The following ENTREP2 variants were observed in gnomAD, a reference collection of about 807,000 sequenced individuals.
ENTREP2 encodes protein ENTREP2.
chr15:29,224,225 C>G, the ENTREP2 span, among the ~76,000 whole-genome samples: 1 of 151,988 alleles, frequency 6.6e-6, no homozygotes, highest in Non-Finnish European at 1.5e-5. Flanking sequence ...TGGAGTTGTT[C>G]GTTCCTCCCG....
At chr15:29,258,022 T>A in the ENTREP2 span, among the ~76,000 whole-genome samples, 2 of 151,910 alleles carry the variant, frequency 1.3e-5, no homozygotes, top group Non-Finnish European at 2.9e-5. Context: ...CCATCCTGGC[T>A]AACACGGTGA....
At chr15:29,205,140 C>T in the ENTREP2 span, among the ~76,000 whole-genome samples, 9 of 152,288 alleles carry the variant, frequency 5.9e-5, no homozygotes, top group African/African-American at 1.4e-4. Context: ...TGTGGTAGCA[C>T]GTGTCGAGAT....
the ENTREP2 span, among the ~76,000 whole-genome samples, chr15:29,469,499 C>T: frequency 6.6e-6 from 1 of 152,160 alleles, no homozygotes; most frequent in Non-Finnish European, 1.5e-5. Context: ...CACTCCCAGC[C>T]GCATGACTGC....
chr15:29,401,737 T>C, the ENTREP2 span, among the ~76,000 whole-genome samples: 1 of 152,296 alleles, frequency 6.6e-6, no homozygotes, highest in African/African-American at 2.4e-5. Context: ...AACCAGTGAG[T>C]AGCAATAAAG....
the ENTREP2 span, among the ~76,000 whole-genome samples, chr15:29,202,886 T>C: frequency 6.6e-6 from 1 of 152,244 alleles, no homozygotes; most frequent in Admixed American, 6.5e-5. Context: ...AGTCTATCAT[T>C]GATGGGCATT....
At chr15:29,248,830 T>A in the ENTREP2 span, among the ~76,000 whole-genome samples, 1 of 152,184 alleles carries the variant, frequency 6.6e-6, no homozygotes, top group African/African-American at 2.4e-5. Context: ...AGGCACTATG[T>A]CAATATGCAC....
chr15:29,404,801 C>T, the ENTREP2 span, among the ~76,000 whole-genome samples: 1 of 152,138 alleles, frequency 6.6e-6, no homozygotes, highest in African/African-American at 2.4e-5. Flanking sequence ...TCAATACAGC[C>T]AGTGCTCCTG....
the ENTREP2 span, among the ~76,000 whole-genome samples, chr15:29,237,567 G>A: frequency 4.6e-5 from 7 of 152,130 alleles, no homozygotes; most frequent in Non-Finnish European, 1.0e-4. Flanking sequence ...AAAGATGCTT[G>A]GAATCATTAG....
At chr15:29,281,352 C>T in the ENTREP2 span, among the ~76,000 whole-genome samples, 3,404 of 152,090 alleles carry the variant, frequency 0.022, 151 homozygotes, top group African/African-American at 0.078. Flanking sequence ...TAATAAGTGA[C>T]GGGTTTAGGA....
the ENTREP2 span, among the ~76,000 whole-genome samples, chr15:29,412,152 GA>G: frequency 4.1e-5 from 6 of 145,786 alleles, no homozygotes; most frequent in South Asian, 6.6e-4. Context: ...ATCTGATTTG[GA>G]AAAAAAAAAC....
the ENTREP2 span, among the ~76,000 whole-genome samples, chr15:29,509,321 T>A: frequency 6.7e-3 from 1,021 of 152,112 alleles, 10 homozygotes; most frequent in African/African-American, 0.023. Flanking sequence ...AAATGGCCAT[T>A]TTGCCCAAAG....
chr15:29,638,171 G>A, the ENTREP2 span, among the ~76,000 whole-genome samples: 7 of 152,340 alleles, frequency 4.6e-5, 1 homozygote, highest in South Asian at 8.3e-4. Context: ...TTTCTATGGC[G>A]AGGCTCTGCC....
chr15:29,351,439 G>A, the ENTREP2 span, among the ~76,000 whole-genome samples: 2 of 152,174 alleles, frequency 1.3e-5, no homozygotes, highest in Non-Finnish European at 2.9e-5. Flanking sequence ...ACAGGTGTGT[G>A]ATCAATAATA....
the ENTREP2 span, among the ~76,000 whole-genome samples, chr15:29,209,992 T>C: frequency 6.6e-6 from 1 of 152,234 alleles, no homozygotes; most frequent in Admixed American, 6.5e-5. Context: ...AGGTTTTGTA[T>C]AATGCTTTTT....
chr15:29,234,069 T>C, the ENTREP2 span: 6 of 1,474,852 alleles, frequency 4.1e-6, no homozygotes, highest in Non-Finnish European at 5.7e-6. Context: ...GCAACCTCAC[T>C]TGCTTCTTCG....
the ENTREP2 span, among the ~76,000 whole-genome samples, chr15:29,664,491 C>T: frequency 6.6e-6 from 1 of 151,722 alleles, no homozygotes; most frequent in Admixed American, 6.6e-5. Flanking sequence ...CCTGATGTTC[C>T]CTCCCTGGGC....
the ENTREP2 span, among the ~76,000 whole-genome samples, chr15:29,253,840 A>AT: frequency 6.6e-6 from 1 of 152,060 alleles, no homozygotes; most frequent in South Asian, 2.1e-4. Context: ...TCACTCTGTC[A>AT]TTTTTTCTTT....
chr15:29,340,284 G>C, the ENTREP2 span, among the ~76,000 whole-genome samples: 1 of 152,206 alleles, frequency 6.6e-6, no homozygotes, highest in Admixed American at 6.5e-5. Context: ...CCCAGTTTAG[G>C]AGGTATCAGG....
At chr15:29,395,547 T>G in the ENTREP2 span, among the ~76,000 whole-genome samples, 1 of 132,504 alleles carries the variant, frequency 7.5e-6, no homozygotes, top group Non-Finnish European at 1.7e-5. Context: ...TTTTTTTTTT[T>G]GAGACAGGGT....
Sources: gnomAD v4.1 joint callset for allele counts (sites outside exome capture counted in the v4.1 genomes callset) on GRCh38, gnomAD v4.1.1 for gene constraint, MANE v1.5 for transcripts, NCBI Gene and HGNC (gene_info 2026-07-23, HGNC 2026-07-21) for gene names.